Variants in DAAM1 observed in about 807,000 individuals in gnomAD.
DAAM1 encodes disheveled-associated activator of morphogenesis 1.
DAAM1 carries 52 observed loss-of-function variants against 130.0 expected under a neutral mutation model. The ratio of observed to expected loss-of-function variants is 0.40; its 90% CI spans 0.32 to 0.50. The LOEUF is 0.50. Among genes scored for constraint, DAAM1 ranks in the 20% least tolerant of loss-of-function variants. The pLI is 0.61. For missense variants in DAAM1, 1,134 were observed against 1,303.8 expected (o/e 0.87, Z 2.01); for synonymous variants, 452 against 444.5 (o/e 1.02, Z -0.21).
chr14:59,358,581 A>G (rs972415914), intron 20 of DAAM1, among the ~76,000 whole-genome samples: 2 of 152,082 alleles, frequency 1.3e-5, no homozygotes, highest in Admixed American at 6.5e-5. Flanking sequence ...GGTGGCTCAC[A>G]CCTATAATCC....
At chr14:59,284,363 A>G (rs867635552) in intron 2 of DAAM1, among the ~76,000 whole-genome samples, 46 of 152,274 alleles carry the variant, frequency 3.0e-4, no homozygotes, top group African/African-American at 1.1e-3. Flanking sequence ...CTAAGCCTAC[A>G]TGTCCATGAG....
At chr14:59,239,523 A>G (rs1476441845) in intron 1 of DAAM1, among the ~76,000 whole-genome samples, 1 of 152,082 alleles carries the variant, frequency 6.6e-6, no homozygotes, top group Non-Finnish European at 1.5e-5. Flanking sequence ...CCCTGCCCCA[A>G]CTAGCTTGAT....
At chr14:59,335,837 A>G (rs1200083431) in intron 15 of DAAM1, among the ~76,000 whole-genome samples, 1 of 152,174 alleles carries the variant, frequency 6.6e-6, no homozygotes, top group Non-Finnish European at 1.5e-5. Flanking sequence ...TAGAGCATTC[A>G]ATGATACCTT....
chr14:59,322,332 C>G (rs1221590833), intron 5 of DAAM1, among the ~76,000 whole-genome samples: 1 of 151,690 alleles, frequency 6.6e-6, no homozygotes, highest in Non-Finnish European at 1.5e-5. Flanking sequence ...GGCAACATAG[C>G]AAGTCTCCAC....
chr14:59,275,259 GAAC>G (rs1018206627), intron 2 of DAAM1, among the ~76,000 whole-genome samples: 14 of 152,104 alleles, frequency 9.2e-5, no homozygotes, highest in Admixed American at 2.6e-4. Context: ...TCTCTTTCAA[GAAC>G]AACAGGCAAT....
intron 15 of DAAM1, chr14:59,338,250 T>G (rs1885702298): frequency 3.6e-6 from 3 of 839,580 alleles, no homozygotes; most frequent in Non-Finnish European, 5.8e-6. Context: ...TCATTGATGA[T>G]CCCAGGGGCA....
chr14:59,314,708 C>T (rs1002301729), intron 3 of DAAM1, among the ~76,000 whole-genome samples: 35 of 152,194 alleles, frequency 2.3e-4, no homozygotes, highest in Admixed American at 2.1e-3. Flanking sequence ...ATGAGGGCTG[C>T]GCCTGGAACT....
At chr14:59,261,698 T>G (rs1479956911) in intron 1 of DAAM1, among the ~76,000 whole-genome samples, 4 of 152,226 alleles carry the variant, frequency 2.6e-5, no homozygotes, top group Non-Finnish European at 5.9e-5. Context: ...GAAATTATAG[T>G]TGTTTATGAG....
chr14:59,268,519 TA>T (rs1882564309), intron 2 of DAAM1, among the ~76,000 whole-genome samples: 1 of 152,192 alleles, frequency 6.6e-6, no homozygotes, highest in African/African-American at 2.4e-5. Flanking sequence ...ATTCACCCCC[TA>T]CCAACTGATA....
chr14:59,336,840 G>A (rs1314013237), intron 15 of DAAM1, among the ~76,000 whole-genome samples: 1 of 152,090 alleles, frequency 6.6e-6, no homozygotes, highest in African/African-American at 2.4e-5. Flanking sequence ...TCATACATAT[G>A]TGTCAGATAC....
chr14:59,189,544 T>C (rs796468708), intron 1 of DAAM1, among the ~76,000 whole-genome samples: 6 of 151,002 alleles, frequency 4.0e-5, no homozygotes, highest in African/African-American at 1.5e-4. Context: ...GTAGAGCACC[T>C]GGGCTGGGGC....
In DAAM1 at chr14:59,330,673, C is replaced by A. The variant is rs1487187845; in HGVS notation, c.1545C>A (p.Leu515=). 6.2e-7 allele frequency: 1 copy of A among 1,611,492 alleles called. No homozygotes were observed. The highest frequency in any genetic ancestry group is 1.3e-5 in the African/African-American group (1 of 74,742). ...AGGTGGCGGACCTCACAGCACAGCT[C>A]CATGAGCTCAGCAGGGTGAGGTCTT... The part of the protein sequence containing the change: ...KQQVADLTAQ[L]HELSRRAVCA... The change falls in exon 13 of 25, where the codon CTC becomes CTA. Residue 515 remains leucine, a synonymous_variant. Coordinates refer to ENST00000360909, the MANE Select transcript of DAAM1 (RefSeq NM_001270520.2).
At chr14:59,210,481 T>A (rs1246721713) in intron 1 of DAAM1, among the ~76,000 whole-genome samples, 1 of 151,690 alleles carries the variant, frequency 6.6e-6, no homozygotes, top group Non-Finnish European at 1.5e-5. Context: ...CCAGCACTTT[T>A]CATAAATATA....
At chr14:59,193,149 C>T (rs2139378782) in intron 1 of DAAM1, among the ~76,000 whole-genome samples, 1 of 152,352 alleles carries the variant, frequency 6.6e-6, no homozygotes, top group South Asian at 2.1e-4. Flanking sequence ...AGAGCATTTT[C>T]TCTATTTCTG....
At chr14:59,362,730 A>G (rs1438310888) in intron 22 of DAAM1, 4 of 152,156 alleles carry the variant, frequency 2.6e-5, no homozygotes, top group Non-Finnish European at 5.9e-5. Flanking sequence ...GAACTGATAA[A>G]CTGTGATGAC....
At chr14:59,358,301 C>T (rs893130929) in intron 20 of DAAM1, among the ~76,000 whole-genome samples, 7 of 152,348 alleles carry the variant, frequency 4.6e-5, no homozygotes, top group Admixed American at 3.3e-4. Context: ...TGTTATCCTA[C>T]TTGCTGGCCT....
At chr14:59,327,398 G>GTTTC (rs1885247600) in intron 12 of DAAM1, among the ~76,000 whole-genome samples, 1 of 72,774 alleles carries the variant, frequency 1.4e-5, no homozygotes, top group Non-Finnish European at 2.6e-5. Flanking sequence ...AGGTCACTTG[G>GTTTC]TTTCTTTTTT....
At chr14:59,315,842 T>A (rs1594817227) in intron 4 of DAAM1, among the ~76,000 whole-genome samples, 1 of 152,200 alleles carries the variant, frequency 6.6e-6, no homozygotes, top group African/African-American at 2.4e-5. Flanking sequence ...GATCAGGAAT[T>A]CATAAAGCAA....
intron 17 of DAAM1, among the ~76,000 whole-genome samples, chr14:59,351,894 ATTTC>A (rs1566719135): frequency 6.6e-6 from 1 of 152,120 alleles, no homozygotes; most frequent in Non-Finnish European, 1.5e-5. Context: ...ATATTTTACT[ATTTC>A]TTCCACATCC....
Sources: allele counts gnomAD v4.1 joint callset (sites outside exome capture counted in the v4.1 genomes callset), GRCh38; gene constraint gnomAD v4.1.1; transcripts MANE v1.5; gene names NCBI Gene and HGNC (gene_info 2026-07-23, HGNC 2026-07-21).